Variants in KIF2A observed in about 807,000 individuals in gnomAD.
KIF2A encodes kinesin family member 2A, also known as kinesin-like protein KIF2A.
A neutral mutation model predicts 100.2 loss-of-function variants in KIF2A; 22 were observed. The observed-to-expected ratio is 0.22, with a 90% confidence interval of 0.16 to 0.31. The LOEUF (loss-of-function observed/expected upper bound fraction) is 0.31, where lower values mean the gene tolerates loss of function less well. Ranked by LOEUF, KIF2A falls within the 10% of genes least tolerant of loss-of-function variation. The pLI, the probability that KIF2A is intolerant of heterozygous loss-of-function variation, is 1.00. For synonymous variants in KIF2A, 268 were observed against 285.9 expected (o/e 0.94, Z 0.63); for missense variants, 495 against 898.7 (o/e 0.55, Z 5.74).
At chr5:62,330,754 G>C in intron 1 of KIF2A, among the ~76,000 whole-genome samples, 1 of 152,132 alleles carries the variant, frequency 6.6e-6, no homozygotes. Flanking sequence ...GTGGTATTCT[G>C]ATTGAAAATG....
intron 16 of KIF2A, among the ~76,000 whole-genome samples, chr5:62,367,896 A>G (rs1424640719): frequency 6.6e-6 from 1 of 152,156 alleles, no homozygotes; most frequent in African/African-American, 2.4e-5. Context: ...CCTCTTTGTA[A>G]TCCATTTCTA....
chr5:62,371,146 T>C (rs1741307654), intron 16 of KIF2A, among the ~76,000 whole-genome samples: 3 of 151,970 alleles, frequency 2.0e-5, no homozygotes, highest in Non-Finnish European at 4.4e-5. Flanking sequence ...ACACCAGTGA[T>C]AGTCCCAGCT....
In KIF2A at chr5:62,389,083, T is replaced by A; in HGVS notation, c.*3514T>A. The A allele has an allele frequency of 6.3e-7, 1 of 1,588,292 alleles. No individual in the cohort carries two copies. The highest frequency in any genetic ancestry group is 2.2e-5 in the East Asian group (1 of 44,750). On this transcript the variant is annotated 3_prime_UTR_variant, in exon 21 of 21. Coordinates refer to ENST00000407818, the MANE Select transcript of KIF2A (RefSeq NM_001098511.3). ...AAAAGAAATCAAAATGGAATGGTAC[T>A]GAAAAGCTAATTTGTAGCACATAAC...
rs377637530 is a variant in KIF2A, at chr5:62,361,815, A to G, written c.1027+286A>G. On this transcript the variant is annotated intron_variant, in intron 11 of 20. Transcript: ENST00000407818. ...GGTGGGTGGATCACTTGAGGTCAGG[A>G]GTTCGAGACCAGCCTGGCCAACATG... Among the ~76,000 whole-genome samples, 815 of 151,664 alleles carry G rather than the reference A, an allele frequency of 5.4e-3. 9 individuals carry two copies. The highest frequency in any genetic ancestry group is 0.019 in the African/African-American group (786 of 41,340).
chr5:62,353,511 G>A (rs375582433), intron 6 of KIF2A, 136 bp downstream of exon 6: 15 of 471,824 alleles, frequency 3.2e-5, no homozygotes, highest in Middle Eastern at 4.7e-4. Context: ...TTGATATTGA[G>A]GAATAATATA....
chr5:62,318,143 C>T (rs147401229), intron 1 of KIF2A, among the ~76,000 whole-genome samples: 13,568 of 151,720 alleles, frequency 0.089, 762 homozygotes, highest in African/African-American at 0.16. Context: ...AGTGCAGTGG[C>T]GCAATCTCAG....
chr5:62,315,540 G>A (rs886260549), intron 1 of KIF2A, among the ~76,000 whole-genome samples: 37 of 152,346 alleles, frequency 2.4e-4, no homozygotes, highest in African/African-American at 8.7e-4. Flanking sequence ...AGGGCAAGGA[G>A]GCATTCTAGC....
chr5:62,374,036 A>C (rs531628654), intron 18 of KIF2A, among the ~76,000 whole-genome samples, 199 bp downstream of exon 18: 7 of 152,208 alleles, frequency 4.6e-5, no homozygotes, highest in Admixed American at 1.3e-4. Flanking sequence ...ATTTAATGAG[A>C]CCCTTTCTCT....
chr5:62,341,846 T>C (rs1428849125), intron 1 of KIF2A, among the ~76,000 whole-genome samples: 2 of 152,192 alleles, frequency 1.3e-5, no homozygotes, highest in African/African-American at 4.8e-5. Context: ...CACATATTTT[T>C]CCCCATTCTC....
intron 1 of KIF2A, among the ~76,000 whole-genome samples, chr5:62,343,933 T>G (rs1226825451): frequency 6.6e-6 from 1 of 152,208 alleles, no homozygotes; most frequent in East Asian, 1.9e-4. Context: ...TTCATCAGCT[T>G]AATTGAAGTG....
intron 16 of KIF2A, among the ~76,000 whole-genome samples, chr5:62,368,081 T>C (rs73104048): frequency 0.016 from 2,489 of 152,210 alleles, 60 homozygotes; most frequent in African/African-American, 0.058. Context: ...ATTAATTAAA[T>C]GGATAATGGA....
In KIF2A at chr5:62,344,346, CAA is replaced by C. The variant is rs56737603; in HGVS notation, c.65-2770_65-2769del. On this transcript the variant is annotated intron_variant, in intron 1 of 20. Coordinates refer to ENST00000407818, the MANE Select transcript of KIF2A (RefSeq NM_001098511.3). ...CTGGTGACAGAGCGCGACTCCATCT[CAA>C]AAAAAAAAAAAAATGCAGATACCTA... Among the ~76,000 whole-genome samples the C allele has an allele frequency of 9.4e-5, 11 of 116,580 alleles. No homozygotes were observed. In the East Asian group the frequency reaches 1.2e-3, roughly 12 times the overall value. 76.5% of individuals were successfully genotyped at this position (116,580 alleles called of 152,430 possible). A position where few individuals can be genotyped will look rare whatever the true frequency, so the allele number is the denominator to read the frequency against.
intron 3 of KIF2A, among the ~76,000 whole-genome samples, chr5:62,349,286 ATAAG>A (rs918984954): frequency 6.2e-4 from 94 of 151,360 alleles, no homozygotes; most frequent in Non-Finnish European, 1.1e-3. Flanking sequence ...TTAATTATAA[ATAAG>A]TATTTTTAAA....
intron 16 of KIF2A, among the ~76,000 whole-genome samples, chr5:62,371,256 A>G (rs1003163483): frequency 6.6e-6 from 1 of 152,136 alleles, no homozygotes. Context: ...CTTATCTCAA[A>G]AAGGAAAAAA....
chr5:62,377,828 C>A, intron 19 of KIF2A, 66 bp downstream of exon 19: 1 of 881,552 alleles, frequency 1.1e-6, no homozygotes, highest in South Asian at 1.7e-5. Context: ...GTCATAATTC[C>A]TTAAATATCA....
At chr5:62,331,230 G>A (rs920249682) in intron 1 of KIF2A, among the ~76,000 whole-genome samples, 9 of 152,170 alleles carry the variant, frequency 5.9e-5, no homozygotes, top group Admixed American at 3.3e-4. Flanking sequence ...TGACCAACAT[G>A]GAGAAACCAC....
intron 19 of KIF2A, among the ~76,000 whole-genome samples, chr5:62,380,362 T>C (rs1279266985): frequency 6.6e-6 from 1 of 152,218 alleles, no homozygotes; most frequent in Non-Finnish European, 1.5e-5. Flanking sequence ...TACTCTCCTC[T>C]TTAATATTGA....
intron 20 of KIF2A, among the ~76,000 whole-genome samples, chr5:62,383,006 G>A (rs1344510922): frequency 2.1e-5 from 3 of 145,896 alleles, no homozygotes; most frequent in African/African-American, 7.6e-5. Context: ...AGCTCACTGC[G>A]ACCTCCGCCT....
In KIF2A at chr5:62,363,688, A is replaced by T. The variant is rs200131851; in HGVS notation, c.1263-7A>T. 3.9e-5 allele frequency: 63 copies of T among 1,611,184 alleles called. No individual in the cohort carries two copies. The highest frequency in any genetic ancestry group is 4.1e-5 in the Non-Finnish European group (48 of 1,177,566). On this transcript the variant is annotated splice_region_variant and splice_polypyrimidine_tract_variant and intron_variant, in intron 13 of 20. Transcript: ENST00000407818. ...AATGTATCAAGATGTCCTTAATCACATTGTAGAACATCCGGTCAAACATCT... is the reference window on the plus strand; with the variant it reads ...AATGTATCAAGATGTCCTTAATCACTTTGTAGAACATCCGGTCAAACATCT...
Sources: gnomAD v4.1 joint callset for allele counts (sites outside exome capture counted in the v4.1 genomes callset) on GRCh38, gnomAD v4.1.1 for gene constraint, MANE v1.5 for transcripts, NCBI Gene and HGNC (gene_info 2026-07-23, HGNC 2026-07-21) for gene names.